Variants in HNRNPD observed in about 807,000 individuals in gnomAD.
HNRNPD encodes the protein heterogeneous nuclear ribonucleoprotein D.
A neutral mutation model predicts 47.9 loss-of-function variants in HNRNPD; 3 were observed. The ratio of observed to expected loss-of-function variants is 0.06; its 90% CI spans 0.03 to 0.16. The LOEUF (loss-of-function observed/expected upper bound fraction) is 0.16, where lower values mean the gene tolerates loss of function less well. Ranked by LOEUF, HNRNPD falls within the 10% of genes least tolerant of loss-of-function variation. HNRNPD has a pLI of 1.00. For missense variants in HNRNPD, 287 were observed against 454.2 expected (o/e 0.63, Z 3.35); for synonymous variants, 171 against 165.1 (o/e 1.04, Z -0.28).
Position 82,352,732 on chromosome 4 carries a change from T to A in HNRNPD, c.*1453A>T, listed in dbSNP as rs1269678895. ...CAGCCATATACAAAACATAAACAAATGAGCATAGCTGGGTTGCAATCTTAT... is the reference window on the plus strand; with the variant it reads ...CAGCCATATACAAAACATAAACAAAAGAGCATAGCTGGGTTGCAATCTTAT... On this transcript the variant is annotated 3_prime_UTR_variant, in exon 9 of 9. Transcript: ENST00000313899. 1 of 152,146 alleles carries A rather than the reference T, an allele frequency of 6.6e-6. No individual in the cohort carries two copies. The highest frequency in any genetic ancestry group is 2.4e-5 in the African/African-American group (1 of 41,438). The allele number at this position is 152,146 out of a possible 1,614,324, so 9.4% of individuals were successfully genotyped here. A position where few individuals can be genotyped will look rare whatever the true frequency, so the allele number is the denominator to read the frequency against.
chr4:82,359,777 A>T, intron 2 of HNRNPD, 138 bp from the exon 3 acceptor site: 1 of 479,618 alleles, frequency 2.1e-6, no homozygotes, highest in Non-Finnish European at 3.6e-6. Flanking sequence ...ACATAACCAC[A>T]CATCAGGAAC....
intron 2 of HNRNPD, among the ~76,000 whole-genome samples, chr4:82,364,423 G>A (rs985408831): frequency 5.9e-5 from 9 of 152,182 alleles, no homozygotes; most frequent in African/African-American, 2.2e-4. Context: ...CATCCTAAAT[G>A]ATTGATAGAA....
intron 2 of HNRNPD, among the ~76,000 whole-genome samples, chr4:82,365,846 T>A (rs544194063): frequency 4.1e-4 from 57 of 140,638 alleles, no homozygotes; most frequent in Non-Finnish European, 7.1e-4. Context: ...AACTCCTGGG[T>A]TCAATCTGCC....
At chr4:82,356,164 A>G (rs1293082943) in intron 7 of HNRNPD, 1 of 167,542 alleles carries the variant, frequency 6.0e-6, no homozygotes, top group Non-Finnish European at 1.3e-5. Context: ...ATTAGTTTTA[A>G]CTGGCAACAT....
intron 2 of HNRNPD, among the ~76,000 whole-genome samples, chr4:82,364,595 T>C (rs1719661418): frequency 1.3e-5 from 2 of 152,204 alleles, no homozygotes; most frequent in African/African-American, 4.8e-5. Flanking sequence ...TATATAAACA[T>C]ATTCTAATAT....
intron 2 of HNRNPD, among the ~76,000 whole-genome samples, chr4:82,366,567 C>CT (rs575034051): frequency 1.1e-4 from 16 of 151,344 alleles, no homozygotes; most frequent in Admixed American, 7.9e-4. Flanking sequence ...TTTAAATAAA[C>CT]TTTTTTTTTC....
chr4:82,352,733 G>A lies in HNRNPD; in HGVS notation c.*1452C>T, dbSNP rs1053940984. On this transcript the variant is annotated 3_prime_UTR_variant, in exon 9 of 9. Coordinates refer to ENST00000313899, the MANE Select transcript of HNRNPD (RefSeq NM_031370.3). ...AGCCATATACAAAACATAAACAAAT[G>A]AGCATAGCTGGGTTGCAATCTTATA... The A allele has an allele frequency of 6.6e-6, 1 of 152,118 alleles. No individual in the cohort carries two copies. The highest frequency in any genetic ancestry group is 1.9e-4 in the East Asian group (1 of 5,206). 9.4% of individuals were successfully genotyped at this position (152,118 alleles called of 1,614,324 possible). A position where few individuals can be genotyped will look rare whatever the true frequency, so the allele number is the denominator to read the frequency against.
intron 2 of HNRNPD, among the ~76,000 whole-genome samples, chr4:82,370,541 CT>C (rs1719990894): frequency 6.6e-6 from 1 of 151,454 alleles, no homozygotes; most frequent in Non-Finnish European, 1.5e-5. Context: ...TTTTTTTCCT[CT>C]TTTTTGCTTT....
intron 2 of HNRNPD, among the ~76,000 whole-genome samples, chr4:82,371,049 A>T (rs1418266141): frequency 6.6e-6 from 1 of 152,086 alleles, no homozygotes; most frequent in Non-Finnish European, 1.5e-5. Flanking sequence ...GTAAAAGACA[A>T]ACATTTTTCC....
intron 2 of HNRNPD, among the ~76,000 whole-genome samples, chr4:82,367,024 G>A (rs78147723): frequency 0.016 from 1,874 of 114,442 alleles, 43 homozygotes; most frequent in African/African-American, 0.073. Flanking sequence ...CAACACACTA[G>A]CCTTTTTTTT....
Position 82,355,287 on chromosome 4 carries a change from C to A in HNRNPD, c.*30+17G>T, listed in dbSNP as rs759665279. The A allele has an allele frequency of 2.5e-5, 33 of 1,331,404 alleles. No individual in the cohort carries two copies. Among genetic ancestry groups the A allele is most frequent in the Admixed American group, 1.6e-4 (9 of 54,812 alleles). 82.5% of individuals were successfully genotyped at this position (1,331,404 alleles called of 1,614,324 possible). On this transcript the variant is annotated intron_variant, in intron 8 of 8. Transcript: ENST00000313899. Reference sequence around the variant, plus strand: ...TACTATTGTAAATGACAAAAAAAAACTATTTTTAGAACATACCTGTTGGGG... The same window carrying A: ...TACTATTGTAAATGACAAAAAAAAAATATTTTTAGAACATACCTGTTGGGG...
At chr4:82,363,048 GTA>G (rs66520516) in intron 2 of HNRNPD, among the ~76,000 whole-genome samples, 477 of 145,042 alleles carry the variant, frequency 3.3e-3, no homozygotes, top group African/African-American at 9.0e-3. Context: ...GTGTGTGTGT[GTA>G]TATATATATA....
At chr4:82,363,585 G>A (rs902492896) in intron 2 of HNRNPD, among the ~76,000 whole-genome samples, 5 of 152,132 alleles carry the variant, frequency 3.3e-5, no homozygotes, top group Admixed American at 6.5e-5. Flanking sequence ...CAACAAAGAT[G>A]GCCCCTAACG....
At chr4:82,373,005 G>GGTGGT in intron 1 of HNRNPD, 2 of 379,574 alleles carry the variant, frequency 5.3e-6, no homozygotes, top group Non-Finnish European at 1.1e-5. Context: ...TGGTGGAGAA[G>GGTGGT]CACCAAATAA....
intron 2 of HNRNPD, among the ~76,000 whole-genome samples, chr4:82,366,549 GAC>G (rs1719766294): frequency 1.3e-5 from 2 of 151,976 alleles, no homozygotes; most frequent in South Asian, 2.1e-4. Context: ...CGGCCAACAT[GAC>G]AGTTTTTTAA....
intron 2 of HNRNPD, among the ~76,000 whole-genome samples, chr4:82,370,533 T>C (rs1719989707): frequency 6.6e-6 from 1 of 152,210 alleles, no homozygotes; most frequent in Non-Finnish European, 1.5e-5. Context: ...CAGTCTTTTT[T>C]TTTTCCTCTT....
At chr4:82,358,945 A>G in intron 3 of HNRNPD, 125 bp from the exon 4 acceptor site, 1 of 715,060 alleles carries the variant, frequency 1.4e-6, no homozygotes, top group Non-Finnish European at 2.3e-6. Context: ...GCTCAAGATT[A>G]AACTGTCAAG....
chr4:82,357,236 C>A, intron 5 of HNRNPD, 77 bp downstream of exon 5: 1 of 1,463,662 alleles, frequency 6.8e-7, no homozygotes, highest in Non-Finnish European at 9.2e-7. Flanking sequence ...GAACTTAAGC[C>A]TTTACAGAGA....
rs1196814257 is a variant in HNRNPD, at chr4:82,353,378, T to C, written c.*807A>G. The C allele has an allele frequency of 6.6e-6, 1 of 152,232 alleles. No individual in the cohort carries two copies. Among genetic ancestry groups the C allele is most frequent in the Non-Finnish European group, 1.5e-5 (1 of 68,018 alleles). 9.4% of individuals were successfully genotyped at this position (152,232 alleles called of 1,614,324 possible). On this transcript the variant is annotated 3_prime_UTR_variant, in exon 9 of 9. Transcript: ENST00000313899. ...CTCCCTCAACACTTGAATTCATCTA[T>C]GAAGTCCACCACAGCTCTAAAAATC...
Sources: gnomAD v4.1 joint callset for allele counts (sites outside exome capture counted in the v4.1 genomes callset) on GRCh38, gnomAD v4.1.1 for gene constraint, MANE v1.5 for transcripts, NCBI Gene and HGNC (gene_info 2026-07-23, HGNC 2026-07-21) for gene names.